APTX: variants seen among roughly 807,000 people sequenced by gnomAD.
The protein encoded by APTX is forkhead-associated domain histidine triad-like protein.
A neutral mutation model predicts 42.3 loss-of-function variants in APTX; 33 were observed. That is an observed-to-expected ratio of 0.78 (90% CI 0.59 to 1.04). The LOEUF (loss-of-function observed/expected upper bound fraction) is 1.04. Among genes scored for constraint, APTX ranks in the 50% least tolerant of loss-of-function variants. The pLI is 0.00. For synonymous variants in APTX, 130 were observed against 146.7 expected (o/e 0.89, Z 0.82); for missense variants, 421 against 415.1 (o/e 1.01, Z -0.12).
intron 1 of APTX, among the ~76,000 whole-genome samples, chr9:33,021,225 T>C (rs1330741974): frequency 1.3e-5 from 2 of 151,654 alleles, no homozygotes; most frequent in African/African-American, 4.8e-5. Flanking sequence ...AAAAAATGCC[T>C]AGTAACACAT....
chr9:32,985,755 G>A (rs1050117345), intron 5 of APTX, among the ~76,000 whole-genome samples: 2 of 152,050 alleles, frequency 1.3e-5, no homozygotes, highest in African/African-American at 4.8e-5. Flanking sequence ...CAAGGCAGAG[G>A]GGATATTCAT....
intron 1 of APTX, among the ~76,000 whole-genome samples, chr9:33,021,769 CAAAT>C (rs1265858245): frequency 6.6e-6 from 1 of 152,082 alleles, no homozygotes; most frequent in Non-Finnish European, 1.5e-5. Flanking sequence ...CAGTTACTTA[CAAAT>C]AATCCTCAGT....
chr9:33,023,626 T>TA (rs1474684409), intron 1 of APTX, among the ~76,000 whole-genome samples: 2 of 152,220 alleles, frequency 1.3e-5, no homozygotes, highest in Non-Finnish European at 2.9e-5. Context: ...CCAGAGGTGA[T>TA]ACTTGAGAAG....
intron 1 of APTX, among the ~76,000 whole-genome samples, chr9:33,015,307 T>C (rs1171829469): frequency 1.3e-5 from 2 of 152,204 alleles, no homozygotes; most frequent in Non-Finnish European, 2.9e-5. Context: ...GCCTTATAAA[T>C]TATCAAAGGC....
chr9:32,977,514 TA>T (rs1829709975), intron 6 of APTX, among the ~76,000 whole-genome samples: 1 of 148,994 alleles, frequency 6.7e-6, no homozygotes, highest in East Asian at 2.0e-4. Context: ...AAAAAATGAA[TA>T]AAAAAATTCA....
intron 1 of APTX, among the ~76,000 whole-genome samples, chr9:33,008,736 G>C (rs1837332468): frequency 1.3e-5 from 2 of 152,104 alleles, no homozygotes; most frequent in African/African-American, 4.8e-5. Context: ...ATTTTTAGTA[G>C]AGATGGGGTT....
chr9:32,986,190 T>A, intron 4 of APTX, 160 bp from the exon 5 acceptor site: 1 of 778,314 alleles, frequency 1.3e-6, no homozygotes, highest in Non-Finnish European at 2.3e-6. Context: ...TTCACTTGAC[T>A]CTGCTTCACT....
intron 1 of APTX, chr9:33,019,921 G>C (rs1198380295): frequency 2.0e-6 from 1 of 510,642 alleles, no homozygotes; most frequent in African/African-American, 2.0e-5. Context: ...CCTCTAAGGG[G>C]GTCGGGAAAG....
In APTX at chr9:32,972,676, T is replaced by C; in HGVS notation, c.*822A>G. On this transcript the variant is annotated 3_prime_UTR_variant, in exon 8 of 8. Coordinates refer to ENST00000379817, the MANE Select transcript of APTX (RefSeq NM_001195248.2). ...GTAGTGGCTCTACGCAACTTTTTCA[T>C]TCACCAACCACCTTTCCATGCATCA... 1 of 436,912 alleles carries C rather than the reference T, an allele frequency of 2.3e-6. No homozygotes were observed. Among genetic ancestry groups the C allele is most frequent in the Non-Finnish European group, 4.6e-6 (1 of 218,026 alleles). 27.1% of individuals were successfully genotyped at this position (436,912 alleles called of 1,614,324 possible). A position where few individuals can be genotyped will look rare whatever the true frequency, so the allele number is the denominator to read the frequency against.
At chr9:33,015,978 G>A (rs1837873162) in intron 1 of APTX, 1 of 152,194 alleles carries the variant, frequency 6.6e-6, no homozygotes, top group Admixed American at 6.5e-5. Flanking sequence ...ACAAGGTGAG[G>A]TGAAGAATTA....
chr9:32,987,683 C>T lies in APTX; in HGVS notation c.344G>A (p.Arg115Lys). The T allele has an allele frequency of 6.2e-7, 1 of 1,614,198 alleles. No individual in the cohort carries two copies. The change falls in exon 4 of 8, where the codon AGA (arginine) becomes AAA (lysine). Residue 115 changes from arginine to lysine, a missense_variant. Physicochemically the swap from Arg to Lys is conservative, Grantham distance 26. Transcript: ENST00000379817. ...KNPGLETHRKRKRSGNSDSIE... is the reference protein window; with the variant it reads ...KNPGLETHRKKKRSGNSDSIE... ...AGAATCACTGTTGCCTGATCTCTTT[C>T]TCTTCCTGTGTGTTTCCAGGCCAGG...
upstream of APTX, among the ~76,000 whole-genome samples, chr9:33,004,087 G>A (rs934076148): frequency 6.6e-6 from 1 of 152,184 alleles, no homozygotes; most frequent in African/African-American, 2.4e-5. Context: ...ATACTACTCA[G>A]CCATAAAGAA....
chr9:32,994,301 G>A (rs569139886), intron 1 of APTX, among the ~76,000 whole-genome samples: 21 of 152,236 alleles, frequency 1.4e-4, no homozygotes, highest in Non-Finnish European at 2.6e-4. Flanking sequence ...GTGGCTGGGG[G>A]GCTACCATAA....
At chr9:32,993,938 C>T (rs1280047991) in intron 1 of APTX, among the ~76,000 whole-genome samples, 2 of 151,804 alleles carry the variant, frequency 1.3e-5, no homozygotes, top group South Asian at 2.1e-4. Context: ...AGGCTGGTCT[C>T]GAACTCCTGA....
At chr9:32,987,421 T>C (rs1832452628) in intron 4 of APTX, 123 bp downstream of exon 4, 1 of 1,327,830 alleles carries the variant, frequency 7.5e-7, no homozygotes. Context: ...CACAAACAAG[T>C]GACTCTTTCA....
At chr9:33,019,477 TTC>T (rs1838186285) in intron 1 of APTX, among the ~76,000 whole-genome samples, 1 of 152,212 alleles carries the variant, frequency 6.6e-6, no homozygotes, top group Non-Finnish European at 1.5e-5. Context: ...ATAAAAATTT[TTC>T]TTTTTTCTTT....
At position 32,987,708 on chromosome 9, in the gene APTX, G is replaced by C. The variant is rs1295721475; in HGVS notation, c.319C>G (p.Pro107Ala). Residue 107 changes from proline to alanine, a missense_variant, in exon 4 of 8, where the codon CCT becomes GCT. By Grantham distance (27) the Pro-to-Ala change is conservative. Coordinates refer to ENST00000379817, the MANE Select transcript of APTX (RefSeq NM_001195248.2). ...IVEFEEEAKN[P>A]GLETHRKRKR... ...CTCTTCCTGTGTGTTTCCAGGCCAGGGTTCTTTGCCTCTTCCTCAAACTCT... is the reference window on the plus strand; with the variant it reads ...CTCTTCCTGTGTGTTTCCAGGCCAGCGTTCTTTGCCTCTTCCTCAAACTCT... 1 of 1,614,090 alleles carries C rather than the reference G, an allele frequency of 6.2e-7. No homozygotes were observed. Among genetic ancestry groups the C allele is most frequent in the South Asian group, 1.1e-5 (1 of 91,072 alleles).
At chr9:32,981,758 C>T (rs905861378) in intron 6 of APTX, among the ~76,000 whole-genome samples, 7 of 152,040 alleles carry the variant, frequency 4.6e-5, no homozygotes, top group African/African-American at 1.7e-4. Flanking sequence ...ATCCATGAGT[C>T]CATACCATTA....
At position 32,987,825 on chromosome 9, in the gene APTX, T is replaced by G. The variant is rs1398795602; in HGVS notation, c.202A>C (p.Ile68Leu). 1.2e-6 allele frequency: 2 copies of G among 1,613,542 alleles called. No homozygotes were observed. Among genetic ancestry groups the G allele is most frequent in the Non-Finnish European group, 1.7e-6 (2 of 1,180,032 alleles). The change falls in exon 4 of 8, where the codon ATT (isoleucine) becomes CTT (leucine). Residue 68 changes from isoleucine (I) to leucine (L), a missense_variant. Ile to Leu is a conservative substitution (Grantham distance 5). Coordinates refer to ENST00000379817, the MANE Select transcript of APTX (RefSeq NM_001195248.2). The stretch of plus-strand genomic sequence containing the variant: ...TCCTTCCCAATTACGACTGAGTCAA[T>G]GCTGGTGGGATTGACTCCTACCTAT... Reference protein sequence around the residue: ...VKQVGVNPTSIDSVVIGKDQE... With the variant: ...VKQVGVNPTSLDSVVIGKDQE...
Sources: allele counts gnomAD v4.1 joint callset (sites outside exome capture counted in the v4.1 genomes callset), GRCh38; gene constraint gnomAD v4.1.1; transcripts MANE v1.5; gene names NCBI Gene and HGNC (gene_info 2026-07-23, HGNC 2026-07-21).